KLHL4: variants seen among roughly 807,000 people sequenced by gnomAD.
The protein encoded by KLHL4 is kelch-like protein 4.
KLHL4 carries 17 observed loss-of-function variants against 45.8 expected under a neutral mutation model. The ratio of observed to expected loss-of-function variants is 0.37; its 90% CI spans 0.25 to 0.56. The LOEUF (loss-of-function observed/expected upper bound fraction) is 0.56, where lower values mean the gene tolerates loss of function less well. KLHL4 is among the 20% of genes least tolerant of loss of function. The pLI, the probability that KLHL4 is intolerant of heterozygous loss-of-function variation, is 0.79. For missense variants in KLHL4, 544 were observed against 544.9 expected, an observed-to-expected ratio of 1.00 and a Z score of 0.02; for synonymous variants, 224 against 189.9, an observed-to-expected ratio of 1.18 and a Z score of -1.47.
chrX:87,521,572 A>C (rs1257459957), intron 1 of KLHL4, among the ~76,000 whole-genome samples: 4 of 111,687 alleles, frequency 3.6e-5, no homozygotes, highest in African/African-American at 1.3e-4. Flanking sequence ...AGAGTGAAGT[A>C]GAGGGCACTC....
intron 1 of KLHL4, among the ~76,000 whole-genome samples, chrX:87,574,465 A>G (rs1284149982): frequency 8.9e-6 from 1 of 111,837 alleles, no homozygotes; most frequent in Non-Finnish European, 1.9e-5. Context: ...AGATTGAGAA[A>G]CCCACTCAGT....
intron 9 of KLHL4, among the ~76,000 whole-genome samples, chrX:87,643,931 C>T (rs1923546952): frequency 9.0e-6 from 1 of 111,521 alleles, no homozygotes; most frequent in Admixed American, 9.5e-5. Context: ...ATGACAAACC[C>T]ACAGCCAACA....
chrX:87,533,962 T>C (rs1259740831), intron 1 of KLHL4, among the ~76,000 whole-genome samples: 1 of 111,157 alleles, frequency 9.0e-6, no homozygotes, highest in Non-Finnish European at 1.9e-5. Context: ...GAATTTCAAT[T>C]AGGAGTGATG....
chrX:87,669,234 A>G lies in KLHL4; in HGVS notation c.*2700A>G. ...TGCTTCTTGATTTTTTTCTATAATC[A>G]CTATGACCGTGTTCACGATTCCCTA... On this transcript the variant is annotated 3_prime_UTR_variant, in exon 11 of 11. Coordinates refer to ENST00000373119, the MANE Select transcript of KLHL4 (RefSeq NM_019117.5). 1 of 1,141,015 alleles carries G rather than the reference A, an allele frequency of 8.8e-7. No individual in the cohort carries two copies. Among genetic ancestry groups the G allele is most frequent in the Non-Finnish European group, 1.2e-6 (1 of 858,080 alleles). The allele number at this position is 1,141,015 out of a possible 1,213,427, so 94.0% of individuals were successfully genotyped here. A position where few individuals can be genotyped will look rare whatever the true frequency, so the allele number is the denominator to read the frequency against.
chrX:87,604,810 G>T lies in KLHL4; in HGVS notation c.423-9067G>T, dbSNP rs1425928035. ...GTTTCTTTTTGTTTTTGTTGCCTGTGCTTTTGAGGTCTTATTTAAACACTC... is the reference window on the plus strand; with the variant it reads ...GTTTCTTTTTGTTTTTGTTGCCTGTTCTTTTGAGGTCTTATTTAAACACTC... On this transcript the variant is annotated intron_variant, in intron 1 of 10. Coordinates refer to ENST00000373119, the MANE Select transcript of KLHL4 (RefSeq NM_019117.5). 3.6e-5 allele frequency among the ~76,000 whole-genome samples: 4 copies of T among 111,153 alleles called. No individual in the cohort carries two copies. In the East Asian group the frequency reaches 1.1e-3, roughly 31 times the overall value.
At chrX:87,541,596 T>C (rs1410983545) in intron 1 of KLHL4, among the ~76,000 whole-genome samples, 4 of 110,076 alleles carry the variant, frequency 3.6e-5, no homozygotes, top group Non-Finnish European at 5.7e-5. Flanking sequence ...CCTTCCACTA[T>C]GATTGTAAGT....
chrX:87,574,036 T>G lies in KLHL4; in HGVS notation c.423-39841T>G, dbSNP rs537516786. ...CAGATAGCTAAATAATTAACCTTATTCTTAAAGCCAAGTCTATTCAAAACT... is the reference window on the plus strand; with the variant it reads ...CAGATAGCTAAATAATTAACCTTATGCTTAAAGCCAAGTCTATTCAAAACT... On this transcript the variant is annotated intron_variant, in intron 1 of 10. Transcript: ENST00000373119. 4.5e-3 allele frequency among the ~76,000 whole-genome samples: 505 copies of G among 111,807 alleles called. 6 individuals carry two copies. The South Asian group carries it at 0.05, about 11-fold the overall frequency.
At chrX:87,650,408 A>G (rs1224737347) in intron 9 of KLHL4, among the ~76,000 whole-genome samples, 2 of 112,256 alleles carry the variant, frequency 1.8e-5, no homozygotes, top group Admixed American at 1.9e-4. Context: ...GAGTGTGTTG[A>G]TATCTTAACA....
At chrX:87,644,947 C>A (rs1385357770) in intron 9 of KLHL4, among the ~76,000 whole-genome samples, 1 of 111,792 alleles carries the variant, frequency 8.9e-6, no homozygotes, top group African/African-American at 3.2e-5. Context: ...TATAAAAATT[C>A]TAAAAGATAA....
rs1004630669 is a variant in KLHL4, at chrX:87,603,202, T to G, written c.423-10675T>G. On this transcript the variant is annotated intron_variant, in intron 1 of 10. Coordinates refer to ENST00000373119, the MANE Select transcript of KLHL4 (RefSeq NM_019117.5). ...TAAATCTTAGCATTTGCATGCGTTTTAACTGAATTTTTGTTAAAGATATGA... is the reference window on the plus strand; with the variant it reads ...TAAATCTTAGCATTTGCATGCGTTTGAACTGAATTTTTGTTAAAGATATGA... 3.6e-5 allele frequency among the ~76,000 whole-genome samples: 4 copies of G among 112,051 alleles called. No individual in the cohort carries two copies. In the Admixed American group the frequency reaches 3.8e-4, roughly 11 times the overall value.
chrX:87,655,700 T>C (rs1472594467), intron 9 of KLHL4, among the ~76,000 whole-genome samples: 2 of 111,720 alleles, frequency 1.8e-5, no homozygotes, highest in African/African-American at 6.5e-5. Context: ...TATTGACACA[T>C]GAGGTCTTAT....
At position 87,580,241 on chromosome X, in the gene KLHL4, A is replaced by G. The variant is rs562175432; in HGVS notation, c.423-33636A>G. 3.1e-4 allele frequency among the ~76,000 whole-genome samples: 34 copies of G among 110,352 alleles called. No homozygotes were observed. In the South Asian group the frequency reaches 8.8e-3, roughly 29 times the overall value. On this transcript the variant is annotated intron_variant, in intron 1 of 10. Transcript: ENST00000373119. ...ATATACACAAAAGAAAGGAGGAAGG[A>G]ATTAATGCATATCACTACAAAAAAA...
At chrX:87,659,521 C>T (rs1267548020) in intron 9 of KLHL4, among the ~76,000 whole-genome samples, 1 of 111,107 alleles carries the variant, frequency 9.0e-6, no homozygotes, top group African/African-American at 3.3e-5. Context: ...CTCATTGAAT[C>T]CCTCTACTGA....
chrX:87,567,018 G>A (rs945941232), intron 1 of KLHL4, among the ~76,000 whole-genome samples: 1 of 110,075 alleles, frequency 9.1e-6, no homozygotes, highest in Non-Finnish European at 1.9e-5. Context: ...CCCATGACAC[G>A]TTTACCTATG....
chrX:87,554,079 C>T (rs1460512513), intron 1 of KLHL4, among the ~76,000 whole-genome samples: 1 of 98,272 alleles, frequency 1.0e-5, no homozygotes, highest in African/African-American at 3.8e-5. Flanking sequence ...TGATCTATAT[C>T]TCTGTTTTGG....
chrX:87,532,709 G>T (rs778727440), intron 1 of KLHL4, among the ~76,000 whole-genome samples: 2 of 106,020 alleles, frequency 1.9e-5, no homozygotes, highest in South Asian at 8.9e-4. Flanking sequence ...GTGAATGGGA[G>T]TTCACTCATG....
chrX:87,547,821 AAAAC>A (rs899645730), intron 1 of KLHL4, among the ~76,000 whole-genome samples: 2 of 111,490 alleles, frequency 1.8e-5, no homozygotes, highest in East Asian at 2.8e-4. Flanking sequence ...ACTCCATCTA[AAAAC>A]AAACAAACAA....
rs370007091 is a variant in KLHL4 at position 87,622,315 on chromosome X, G to A, written c.1029G>A (p.Glu343=). Residue 343 remains glutamate, a synonymous_variant, in exon 5 of 11, where the codon GAG becomes GAA. Coordinates refer to ENST00000373119, the MANE Select transcript of KLHL4 (RefSeq NM_019117.5). Reference sequence around the variant, plus strand: ...ATGACATTAATGTGCCTGATGAAGAGACCATTTTTCATGCTCTAATGCAGT... The same window carrying A: ...ATGACATTAATGTGCCTGATGAAGAAACCATTTTTCATGCTCTAATGCAGT... The part of the protein sequence containing the change: ...CSDDINVPDE[E]TIFHALMQWV... 57 of 1,204,703 alleles carry A rather than the reference G, an allele frequency of 4.7e-5. No individual in the cohort carries two copies. Among genetic ancestry groups the A allele is most frequent in the Non-Finnish European group, 5.6e-5 (50 of 890,857 alleles).
intron 1 of KLHL4, among the ~76,000 whole-genome samples, chrX:87,587,550 T>C (rs1921522079): frequency 9.0e-6 from 1 of 111,536 alleles, no homozygotes; most frequent in Admixed American, 9.5e-5. Flanking sequence ...AAAATCCATA[T>C]GATCATTTCA....
Sources: allele counts gnomAD v4.1 joint callset (sites outside exome capture counted in the v4.1 genomes callset), GRCh38; gene constraint gnomAD v4.1.1; transcripts MANE v1.5; gene names NCBI Gene and HGNC (gene_info 2026-07-23, HGNC 2026-07-21).